RINT1: variants seen among roughly 807,000 people sequenced by gnomAD.
RINT1 encodes RAD50-interacting protein 1.
Under a neutral mutation model 97.7 loss-of-function variants are expected in RINT1, and 75 were observed. The ratio of observed to expected loss-of-function variants is 0.77; its 90% CI spans 0.64 to 0.93. The LOEUF is 0.93. RINT1 is among the 40% of genes least tolerant of loss of function. The pLI is 0.00. For missense variants in RINT1, 892 were observed against 925.2 expected (o/e 0.96, Z 0.47); for synonymous variants, 303 against 326.3 (o/e 0.93, Z 0.77).
At position 105,567,626 on chromosome 7, in the gene RINT1, G is replaced by C. The variant is rs1438600730; in HGVS notation, c.*315G>C. 9.1e-6 allele frequency: 5 copies of C among 551,824 alleles called. No individual in the cohort carries two copies. The highest frequency in any genetic ancestry group is 1.6e-5 in the Non-Finnish European group (5 of 314,002). 34.2% of individuals were successfully genotyped at this position (551,824 alleles called of 1,614,324 possible). A position where few individuals can be genotyped will look rare whatever the true frequency, so the allele number is the denominator to read the frequency against. ...TTTCAATTTCCTGTGCTAATTAAGG[G>C]AAATTCTGTTGTGGATAATCAAACA... On this transcript the variant is annotated 3_prime_UTR_variant, in exon 15 of 15. Transcript: ENST00000257700.
chr7:105,559,603 C>T (rs1791348477), intron 11 of RINT1, among the ~76,000 whole-genome samples: 1 of 150,180 alleles, frequency 6.7e-6, no homozygotes, highest in Non-Finnish European at 1.5e-5. Context: ...CGCCTATAAT[C>T]CCAGCTACTC....
At chr7:105,545,306 G>T (rs1198175065) in intron 4 of RINT1, among the ~76,000 whole-genome samples, 2 of 151,290 alleles carry the variant, frequency 1.3e-5, no homozygotes, top group Non-Finnish European at 2.9e-5. Flanking sequence ...AAAAAAATCA[G>T]CCAGGCTTGG....
At chr7:105,549,548 C>T (rs1176844013) in intron 7 of RINT1, among the ~76,000 whole-genome samples, 2 of 151,906 alleles carry the variant, frequency 1.3e-5, no homozygotes, top group African/African-American at 2.4e-5. Flanking sequence ...GGGGTTTCAC[C>T]ATGTTGACCA....
rs746091747 is a variant in RINT1 at position 105,550,444 on chromosome 7, G to A, written c.1291G>A (p.Glu431Lys). 1.2e-6 allele frequency: 2 copies of A among 1,614,116 alleles called. No homozygotes were observed. Among genetic ancestry groups the A allele is most frequent in the Middle Eastern group, 1.6e-4 (1 of 6,062 alleles). The part of the protein sequence containing the change: ...TFASCMHILS[E>K]ETCFQRWLTV... ...TGCTAGTTGTATGCATATTCTATCAGAGGAAACCTGTTTTCAGAGATGGTT... is the reference window on the plus strand; with the variant it reads ...TGCTAGTTGTATGCATATTCTATCAAAGGAAACCTGTTTTCAGAGATGGTT... Residue 431 changes from glutamate to lysine, a missense_variant, in exon 9 of 15, where the codon GAG (glutamate) becomes AAG (lysine). Transcript: ENST00000257700.
intron 3 of RINT1, among the ~76,000 whole-genome samples, chr7:105,539,104 C>T (rs1405440575): frequency 1.3e-5 from 2 of 152,118 alleles, no homozygotes; most frequent in Non-Finnish European, 2.9e-5. Flanking sequence ...GTTTGTTTCC[C>T]TAATGACCAC....
intron 11 of RINT1, among the ~76,000 whole-genome samples, chr7:105,559,706 G>A (rs1791355261): frequency 6.6e-6 from 1 of 152,146 alleles, no homozygotes. Flanking sequence ...GATGACAAGA[G>A]CAAAACTCTG....
intron 10 of RINT1, among the ~76,000 whole-genome samples, chr7:105,552,604 G>A (rs11766216): frequency 0.2 from 28,717 of 147,266 alleles, 3,411 homozygotes; most frequent in Non-Finnish European, 0.28. Flanking sequence ...TAGCCTGTCC[G>A]TTTCTTAGGC....
At chr7:105,532,764 G>C (rs1562836992) in intron 1 of RINT1, 60 bp from the exon 2 acceptor site, 16 of 1,570,874 alleles carry the variant, frequency 1.0e-5, no homozygotes, top group Non-Finnish European at 1.3e-5. Flanking sequence ...TGGGAGCCCC[G>C]TATGCTTTCC....
Position 105,565,394 on chromosome 7 carries a change from C to T in RINT1, c.2004C>T (p.Phe668=), listed in dbSNP as rs1285881734. Residue 668 remains phenylalanine (F), a synonymous_variant, in exon 13 of 15, where the codon TTC becomes TTT. Coordinates refer to ENST00000257700, the MANE Select transcript of RINT1 (RefSeq NM_021930.6). ...TTCAGTTGGAGCAGCAGCTTTGTTT[C>T]TCCTTATTTAAAATTTTCTGGCAAA... ...HLLQLEQQLC[F]SLFKIFWQML... 6.2e-7 allele frequency: 1 copy of T among 1,614,038 alleles called. No individual in the cohort carries two copies. The highest frequency in any genetic ancestry group is 2.2e-5 in the East Asian group (1 of 44,894).
rs1187127866 is a variant in RINT1 at position 105,537,022 on chromosome 7, A to G, written c.273+273A>G. Among the ~76,000 whole-genome samples, 3 of 152,070 alleles carry G rather than the reference A, an allele frequency of 2.0e-5. 1 individual carries two copies. Among genetic ancestry groups the G allele is most frequent in the Admixed American group, 1.3e-4 (2 of 15,234 alleles). Reference sequence around the variant, plus strand: ...ATAGAGTGACTTTTTTTTCCTTTCAATCTGTTTCTAGTGAACATACAGTGA... The same window carrying G: ...ATAGAGTGACTTTTTTTTCCTTTCAGTCTGTTTCTAGTGAACATACAGTGA... On this transcript the variant is annotated intron_variant, in intron 3 of 14. Transcript: ENST00000257700.
chr7:105,551,394 G>A (rs1790918807), intron 9 of RINT1, among the ~76,000 whole-genome samples, 176 bp from the exon 10 acceptor site: 1 of 152,154 alleles, frequency 6.6e-6, no homozygotes, highest in South Asian at 2.1e-4. Flanking sequence ...ATTTGGGGAT[G>A]GGAGTAAAGT....
intron 4 of RINT1, among the ~76,000 whole-genome samples, chr7:105,545,896 C>T (rs1467024539): frequency 5.7e-5 from 8 of 140,144 alleles, no homozygotes; most frequent in East Asian, 2.2e-4. Flanking sequence ...CTCCGCCTCC[C>T]GGGTTCAAGC....
intron 10 of RINT1, among the ~76,000 whole-genome samples, chr7:105,553,590 G>A (rs906767880): frequency 2.0e-5 from 3 of 150,300 alleles, no homozygotes; most frequent in Non-Finnish European, 4.4e-5. Flanking sequence ...GCATGGTGGC[G>A]GCTCTACTAG....
chr7:105,559,466 G>T (rs1791331332), intron 11 of RINT1, among the ~76,000 whole-genome samples: 1 of 147,800 alleles, frequency 6.8e-6, no homozygotes, highest in African/African-American at 2.5e-5. Context: ...GCATGAACCT[G>T]GGAGGTGGAG....
In RINT1 at chr7:105,550,465, T is replaced by C. The variant is rs1166532366; in HGVS notation, c.1312T>C (p.Trp438Arg). The C allele has an allele frequency of 6.2e-7, 1 of 1,613,726 alleles. No homozygotes were observed. The highest frequency in any genetic ancestry group is 8.5e-7 in the Non-Finnish European group (1 of 1,179,762). ...ATCAGAGGAAACCTGTTTTCAGAGA[T>C]GGTTGACGGTGGAGAGAAAATGTAA... ...ILSEETCFQR[W>R]LTVERKFALQ... The change falls in exon 9 of 15, where the codon TGG becomes CGG. Residue 438 changes from tryptophan (W) to arginine (R), a missense_variant. Trp to Arg is a moderately radical substitution (Grantham distance 101, BLOSUM62 -3). Coordinates refer to ENST00000257700, the MANE Select transcript of RINT1 (RefSeq NM_021930.6).
At chr7:105,554,890 G>A in intron 10 of RINT1, 138 bp from the exon 11 acceptor site, 1 of 653,880 alleles carries the variant, frequency 1.5e-6, no homozygotes, top group East Asian at 2.7e-5. Context: ...CCTTAAGAGA[G>A]CTCAGAAATA....
Position 105,567,394 on chromosome 7 carries a change from T to G in RINT1, c.*83T>G. On this transcript the variant is annotated 3_prime_UTR_variant, in exon 15 of 15. Coordinates refer to ENST00000257700, the MANE Select transcript of RINT1 (RefSeq NM_021930.6). ...GATTTCAAGTTATATGATGAAATTCTGAATTAATGAAACTGGAAAACTTTA... is the reference window on the plus strand; with the variant it reads ...GATTTCAAGTTATATGATGAAATTCGGAATTAATGAAACTGGAAAACTTTA... 3 of 937,824 alleles carry G rather than the reference T, an allele frequency of 3.2e-6. No individual in the cohort carries two copies. The highest frequency in any genetic ancestry group is 5.0e-6 in the Non-Finnish European group (3 of 604,114). 58.1% of individuals were successfully genotyped at this position (937,824 alleles called of 1,614,324 possible).
chr7:105,540,170 C>G (rs575639796), intron 3 of RINT1, among the ~76,000 whole-genome samples: 22 of 151,344 alleles, frequency 1.5e-4, no homozygotes, highest in African/African-American at 5.1e-4. Flanking sequence ...CCTCTGCCTT[C>G]CGGGTTTCAA....
chr7:105,544,592 G>A (rs1298504471), intron 4 of RINT1, among the ~76,000 whole-genome samples: 4 of 151,672 alleles, frequency 2.6e-5, no homozygotes, highest in Non-Finnish European at 5.9e-5. Context: ...ATGCCACCAC[G>A]CCCAGCTAAT....
Sources: gnomAD v4.1 joint callset for allele counts (sites outside exome capture counted in the v4.1 genomes callset) on GRCh38, gnomAD v4.1.1 for gene constraint, MANE v1.5 for transcripts, NCBI Gene and HGNC (gene_info 2026-07-23, HGNC 2026-07-21) for gene names.